HECW2: variants seen among roughly 807,000 people sequenced by gnomAD.
HECW2 encodes HECT, C2 and WW domain containing E3 ubiquitin protein ligase 2.
In HECW2, 61 loss-of-function variants were observed where a neutral mutation model predicts 175.2. The ratio of observed to expected loss-of-function variants is 0.35; its 90% CI spans 0.28 to 0.43. The LOEUF (loss-of-function observed/expected upper bound fraction) is 0.43, where lower values mean the gene tolerates loss of function less well. Among genes scored for constraint, HECW2 ranks in the 20% least tolerant of loss-of-function variants. The pLI, the probability that HECW2 is intolerant of heterozygous loss-of-function variation, is 1.00. For missense variants in HECW2, 1,524 were observed against 2,000.5 expected, an observed-to-expected ratio of 0.76 and a Z score of 4.54; for synonymous variants, 671 against 731.0, an observed-to-expected ratio of 0.92 and a Z score of 1.32.
At chr2:196,387,516 T>A (rs1694384177) in intron 2 of HECW2, among the ~76,000 whole-genome samples, 1 of 152,124 alleles carries the variant, frequency 6.6e-6, no homozygotes, top group South Asian at 2.1e-4. Flanking sequence ...CTTCCCAGCC[T>A]CCAGAACGGA....
intron 2 of HECW2, among the ~76,000 whole-genome samples, chr2:196,428,744 T>G (rs1216591937): frequency 6.6e-6 from 1 of 152,178 alleles, no homozygotes; most frequent in Admixed American, 6.5e-5. Flanking sequence ...CTTAACACTC[T>G]CCACGAAGTA....
chr2:196,348,210 C>G (rs1693031347), intron 2 of HECW2, among the ~76,000 whole-genome samples: 1 of 152,224 alleles, frequency 6.6e-6, no homozygotes. Flanking sequence ...TTTCTCTGCT[C>G]AGCTCTATTG....
intron 14 of HECW2, among the ~76,000 whole-genome samples, chr2:196,287,066 G>C (rs11898696): frequency 0.022 from 3,379 of 152,270 alleles, 130 homozygotes; most frequent in African/African-American, 0.076. Context: ...AATAGGCTCA[G>C]CCTGTGGTAC....
At chr2:196,302,393 A>T (rs967044891) in intron 13 of HECW2, among the ~76,000 whole-genome samples, 2 of 152,226 alleles carry the variant, frequency 1.3e-5, no homozygotes, top group Non-Finnish European at 2.9e-5. Context: ...TGTCTTGACT[A>T]TTCAGGCTCT....
chr2:196,350,756 T>C (rs923015861), intron 2 of HECW2, among the ~76,000 whole-genome samples: 1 of 148,366 alleles, frequency 6.7e-6, no homozygotes, highest in South Asian at 2.1e-4. Flanking sequence ...ATAAGGCACA[T>C]AGATATATAA....
chr2:196,307,850 A>C, intron 11 of HECW2, 85 bp downstream of exon 11: 2 of 1,262,778 alleles, frequency 1.6e-6, no homozygotes, highest in Non-Finnish European at 2.1e-6. Context: ...AAGATCAAAG[A>C]GACAACCATG....
intron 1 of HECW2, among the ~76,000 whole-genome samples, chr2:196,544,888 T>C (rs1559168641): frequency 6.6e-6 from 1 of 152,210 alleles, no homozygotes; most frequent in Non-Finnish European, 1.5e-5. Flanking sequence ...CCTCATACTT[T>C]GTTTTGCTCA....
In HECW2 at chr2:196,526,492, T is replaced by C. The variant is rs1319314410; in HGVS notation, c.-36+67016A>G. On this transcript the variant is annotated intron_variant, in intron 1 of 28. Coordinates refer to ENST00000644978, the MANE Select transcript of HECW2 (RefSeq NM_001348768.2). Reference sequence around the variant, plus strand: ...TTCTCTCAGCTCGTCAACGTCATTCTCCATCCAGCTTTGTTCCATTGCTGG... The same window carrying C: ...TTCTCTCAGCTCGTCAACGTCATTCCCCATCCAGCTTTGTTCCATTGCTGG... Among the ~76,000 whole-genome samples, 10 of 152,250 alleles carry C rather than the reference T, an allele frequency of 6.6e-5. No individual in the cohort carries two copies. In the East Asian group the frequency reaches 1.7e-3, roughly 26 times the overall value.
At chr2:196,523,907 T>C (rs1243182723) in intron 1 of HECW2, among the ~76,000 whole-genome samples, 2 of 152,240 alleles carry the variant, frequency 1.3e-5, no homozygotes, top group Non-Finnish European at 2.9e-5. Context: ...TCTGCATGAA[T>C]GTTCATCAAG....
At chr2:196,204,912 G>A (rs116372234) in intron 28 of HECW2, among the ~76,000 whole-genome samples, 3,158 of 152,272 alleles carry the variant, frequency 0.021, 56 homozygotes, top group Non-Finnish European at 0.034. Flanking sequence ...TGCCATTTCT[G>A]TAGTATCTTT....
At chr2:196,230,157 C>T (rs1394877187) in intron 21 of HECW2, among the ~76,000 whole-genome samples, 5 of 152,184 alleles carry the variant, frequency 3.3e-5, no homozygotes, top group Admixed American at 6.5e-5. Context: ...GGACTACCCT[C>T]AGGTTACTCT....
intron 2 of HECW2, among the ~76,000 whole-genome samples, chr2:196,421,627 A>G (rs901957000): frequency 6.6e-6 from 1 of 152,208 alleles, no homozygotes; most frequent in Non-Finnish European, 1.5e-5. Flanking sequence ...GAATTTCTAA[A>G]CCGCATGCAA....
intron 13 of HECW2, among the ~76,000 whole-genome samples, chr2:196,299,126 A>G (rs76823147): frequency 0.065 from 9,907 of 152,244 alleles, 1,071 homozygotes; most frequent in African/African-American, 0.22. Context: ...CACAGAATTT[A>G]AGTCTTACAG....
intron 1 of HECW2, among the ~76,000 whole-genome samples, chr2:196,581,326 G>A (rs1435147182): frequency 6.6e-6 from 1 of 152,170 alleles, no homozygotes; most frequent in Admixed American, 6.5e-5. Context: ...CTTGAGGTCA[G>A]GAGTTCAAGA....
chr2:196,416,974 T>C (rs1001002796), intron 2 of HECW2, among the ~76,000 whole-genome samples: 18 of 152,342 alleles, frequency 1.2e-4, no homozygotes, highest in African/African-American at 3.4e-4. Context: ...GGAAGTGGCT[T>C]TAGCAACTAA....
chr2:196,490,555 G>T (rs1687150360), intron 1 of HECW2, among the ~76,000 whole-genome samples: 2 of 152,140 alleles, frequency 1.3e-5, no homozygotes, highest in African/African-American at 4.8e-5. Flanking sequence ...TTCTTAAGAA[G>T]TTAAACATAC....
rs1686769037 is a variant in HECW2, at chr2:196,198,847, T to A, written c.*2430A>T. 1 of 152,198 alleles carries A rather than the reference T, an allele frequency of 6.6e-6. No homozygotes were observed. Among genetic ancestry groups the A allele is most frequent in the Non-Finnish European group, 1.5e-5 (1 of 68,014 alleles). 9.4% of individuals were successfully genotyped at this position (152,198 alleles called of 1,614,324 possible). On this transcript the variant is annotated 3_prime_UTR_variant, in exon 29 of 29. Coordinates refer to ENST00000644978, the MANE Select transcript of HECW2 (RefSeq NM_001348768.2). ...GAATAATAGATAAGTTAGCATGGTG[T>A]TCTGATATGATAAGTACATCTTTGA...
At chr2:196,300,447 G>T (rs944239257) in intron 13 of HECW2, among the ~76,000 whole-genome samples, 1 of 152,212 alleles carries the variant, frequency 6.6e-6, no homozygotes, top group African/African-American at 2.4e-5. Context: ...ATGAAGAAAT[G>T]TAAGTCTAAT....
rs759823076 is a variant in HECW2 at position 196,292,558 on chromosome 2, G to GT, written c.3000+6dup. ...TGGCACTCCCTGAGGCATCTCCCTCGTGTTACCTTGCCCTGGTGATCATGT... is the reference window on the plus strand; with the variant it reads ...TGGCACTCCCTGAGGCATCTCCCTCGTTGTTACCTTGCCCTGGTGATCATGT... On this transcript the variant is annotated splice_region_variant and intron_variant, in intron 14 of 28. Transcript: ENST00000644978. The GT allele has an allele frequency of 2.7e-5, 44 of 1,609,228 alleles. 2 individuals are homozygous for GT. The highest frequency in any genetic ancestry group is 2.3e-4 in the South Asian group (21 of 90,880).
Sources: allele counts gnomAD v4.1 joint callset (sites outside exome capture counted in the v4.1 genomes callset), GRCh38; gene constraint gnomAD v4.1.1; transcripts MANE v1.5; gene names NCBI Gene and HGNC (gene_info 2026-07-23, HGNC 2026-07-21).